Variants in SFXN5 observed in about 807,000 individuals in gnomAD.
SFXN5 encodes the protein sideroflexin 5.
A neutral mutation model predicts 50.2 loss-of-function variants in SFXN5; 43 were observed. That is an observed-to-expected ratio of 0.86 (90% CI 0.67 to 1.11). SFXN5 has a LOEUF of 1.11. Among genes scored for constraint, SFXN5 ranks in the 50% least tolerant of loss-of-function variants. SFXN5 has a pLI of 0.00. For synonymous variants in SFXN5, 203 were observed against 185.8 expected, an observed-to-expected ratio of 1.09 and a Z score of -0.75; for missense variants, 463 against 454.1, an observed-to-expected ratio of 1.02 and a Z score of -0.18.
chr2:72,991,651 G>A (rs953440607), intron 9 of SFXN5, among the ~76,000 whole-genome samples: 7 of 152,250 alleles, frequency 4.6e-5, no homozygotes, highest in Non-Finnish European at 1.0e-4. Flanking sequence ...CAGGGGTTAG[G>A]AGCCCGTCTG....
intron 5 of SFXN5, among the ~76,000 whole-genome samples, chr2:73,020,530 A>G (rs535756070): frequency 6.6e-6 from 1 of 152,244 alleles, no homozygotes; most frequent in South Asian, 2.1e-4. Flanking sequence ...TCCTGCAGGC[A>G]GGGCTGCCTG....
chr2:73,044,306 G>A (rs934956868), intron 2 of SFXN5, among the ~76,000 whole-genome samples: 6 of 152,226 alleles, frequency 3.9e-5, no homozygotes, highest in Non-Finnish European at 7.3e-5. Flanking sequence ...GAAGGAAGCT[G>A]GAACCTGCTT....
intron 13 of SFXN5, among the ~76,000 whole-genome samples, chr2:72,956,210 C>T (rs1163218688): frequency 6.6e-6 from 1 of 152,226 alleles, no homozygotes; most frequent in Non-Finnish European, 1.5e-5. Context: ...AGACCCTGTA[C>T]TCCCTGCATG....
At chr2:73,060,684 A>G (rs1559220406) in intron 1 of SFXN5, among the ~76,000 whole-genome samples, 2 of 151,068 alleles carry the variant, frequency 1.3e-5, no homozygotes, top group Non-Finnish European at 2.9e-5. Context: ...CTGCGGTTAT[A>G]TAAGAGAATG....
chr2:73,025,764 G>A (rs186888380), intron 3 of SFXN5, among the ~76,000 whole-genome samples: 41 of 152,336 alleles, frequency 2.7e-4, no homozygotes, highest in African/African-American at 9.9e-4. Flanking sequence ...CCAGGAAGGT[G>A]CAGGCGGCAT....
chr2:73,035,490 A>C lies in SFXN5; in HGVS notation c.249+5364T>G, dbSNP rs150619099. Among the ~76,000 whole-genome samples, 7 of 148,150 alleles carry C rather than the reference A, an allele frequency of 4.7e-5. No homozygotes were observed. In the East Asian group the frequency reaches 1.4e-3, roughly 29 times the overall value. ...AGAACCAGTGATTCATTGGTATCGC[A>C]ATCTTTTTTTTTTTTTTTTTTTTTT... On this transcript the variant is annotated intron_variant, in intron 3 of 13. Transcript: ENST00000272433.
chr2:73,070,163 G>A (rs1326119358), intron 1 of SFXN5, among the ~76,000 whole-genome samples: 1 of 152,098 alleles, frequency 6.6e-6, no homozygotes, highest in Non-Finnish European at 1.5e-5. Flanking sequence ...GTGGGAGCGG[G>A]GACAGGCAAT....
chr2:72,980,210 G>A (rs962673881), intron 10 of SFXN5, among the ~76,000 whole-genome samples: 1 of 151,882 alleles, frequency 6.6e-6, no homozygotes. Flanking sequence ...TGGTGTAAAA[G>A]GGGAAATAAT....
chr2:73,031,513 C>T (rs920221250), intron 3 of SFXN5, among the ~76,000 whole-genome samples: 1 of 152,240 alleles, frequency 6.6e-6, no homozygotes, highest in Admixed American at 6.5e-5. Context: ...CGTTTTGTTA[C>T]AGCAGCTAGT....
At chr2:73,022,004 C>T (rs762184213) in intron 5 of SFXN5, among the ~76,000 whole-genome samples, 6 of 152,214 alleles carry the variant, frequency 3.9e-5, no homozygotes, top group Non-Finnish European at 5.9e-5. Context: ...AGGAATCCCA[C>T]CTTCTGTATG....
At chr2:73,059,161 C>G (rs1682539815) in intron 1 of SFXN5, 1 of 985,142 alleles carries the variant, frequency 1.0e-6, no homozygotes, top group South Asian at 4.7e-5. Context: ...GCAGCTCCCC[C>G]AACCTTGCCC....
At chr2:73,060,759 T>C (rs942064243) in intron 1 of SFXN5, among the ~76,000 whole-genome samples, 23 of 151,138 alleles carry the variant, frequency 1.5e-4, no homozygotes, top group Non-Finnish European at 2.9e-4. Context: ...TGGAGTGCAG[T>C]GGCACGATCT....
At chr2:72,999,497 A>G (rs1673642753) in intron 8 of SFXN5, among the ~76,000 whole-genome samples, 1 of 152,000 alleles carries the variant, frequency 6.6e-6, no homozygotes. Flanking sequence ...TCTCTAGAGA[A>G]TAATATACCC....
At chr2:73,059,937 G>T in intron 1 of SFXN5, 1 of 897,726 alleles carries the variant, frequency 1.1e-6, no homozygotes, top group Non-Finnish European at 1.3e-6. Flanking sequence ...TTAAATAAAT[G>T]ATGGTCCATT....
intron 2 of SFXN5, among the ~76,000 whole-genome samples, chr2:73,044,241 G>A (rs1323153392): frequency 2.0e-5 from 3 of 152,232 alleles, no homozygotes; most frequent in Non-Finnish European, 4.4e-5. Context: ...AAGGGCATGG[G>A]TTGCGGGAGA....
At chr2:72,962,008 G>A (rs1673802150) in intron 12 of SFXN5, among the ~76,000 whole-genome samples, 1 of 152,228 alleles carries the variant, frequency 6.6e-6, no homozygotes, top group Non-Finnish European at 1.5e-5. Flanking sequence ...GAGGGGGCAT[G>A]ATAAACCTCC....
chr2:73,026,294 ATTT>A, intron 3 of SFXN5, among the ~76,000 whole-genome samples: 1 of 140,604 alleles, frequency 7.1e-6, no homozygotes, highest in Admixed American at 7.1e-5. Flanking sequence ...TGCCTGGCTA[ATTT>A]TTTTTTTTTT....
chr2:73,009,263 T>C (rs1675174558), intron 6 of SFXN5, among the ~76,000 whole-genome samples: 1 of 152,232 alleles, frequency 6.6e-6, no homozygotes, highest in Non-Finnish European at 1.5e-5. Context: ...TGCTTAAATG[T>C]TCAGTGCTAC....
chr2:73,022,872 G>C (rs1226308232), intron 4 of SFXN5, among the ~76,000 whole-genome samples: 2 of 152,204 alleles, frequency 1.3e-5, no homozygotes, highest in Non-Finnish European at 2.9e-5. Flanking sequence ...ATGGGGAACG[G>C]GATCGTGTCT....
Sources: allele counts gnomAD v4.1 joint callset (sites outside exome capture counted in the v4.1 genomes callset), GRCh38; gene constraint gnomAD v4.1.1; transcripts MANE v1.5; gene names NCBI Gene and HGNC (gene_info 2026-07-23, HGNC 2026-07-21).